The following TMCO6 variants were observed in gnomAD, a reference collection of about 807,000 sequenced individuals.
TMCO6 encodes transmembrane and coiled-coil domains 6.
In TMCO6, 47 loss-of-function variants were observed where a neutral mutation model predicts 61.8. The observed-to-expected ratio is 0.76, with a 90% CI of 0.60 to 0.97. The LOEUF (loss-of-function observed/expected upper bound fraction) is 0.97, where lower values mean the gene tolerates loss of function less well. Ranked by LOEUF, TMCO6 falls within the 50% of genes least tolerant of loss-of-function variation. The probability of loss-of-function intolerance (pLI) is 0.00; values close to 1 mark genes in which losing one functional copy is unlikely to be tolerated. For missense variants in TMCO6, 557 were observed against 601.6 expected, an observed-to-expected ratio of 0.93 and a Z score of 0.78; for synonymous variants, 261 against 254.2, an observed-to-expected ratio of 1.03 and a Z score of -0.25.
chr5:140,644,027 C>G (rs1757222594), intron 9 of TMCO6, 61 bp downstream of exon 9: 13 of 1,612,658 alleles, frequency 8.1e-6, no homozygotes, highest in Non-Finnish European at 1.0e-5. Context: ...TCCTCATGGC[C>G]TAGGCTGAGG....
the TMCO6 span, among the ~76,000 whole-genome samples, chr5:140,596,851 A>G: frequency 6.6e-6 from 1 of 152,232 alleles, no homozygotes. Flanking sequence ...AGACCAGCTC[A>G]ACATGAATCC....
the TMCO6 span, among the ~76,000 whole-genome samples, chr5:140,613,386 TAAA>T: frequency 1.1e-5 from 1 of 87,432 alleles, no homozygotes; most frequent in African/African-American, 5.2e-5. Context: ...AGACTCTGAC[TAAA>T]AAAAAAAAAA....
chr5:140,644,848 TATATAGGTTCC>T, intron 11 of TMCO6, 108 bp downstream of exon 11: 1 of 1,520,064 alleles, frequency 6.6e-7, no homozygotes, highest in Non-Finnish European at 9.0e-7. Flanking sequence ...CTGGCTAACC[TATATAGGTTCC>T]ATGTCAGAAA....
At chr5:140,630,232 T>A in the TMCO6 span, among the ~76,000 whole-genome samples, 1 of 151,966 alleles carries the variant, frequency 6.6e-6, no homozygotes, top group African/African-American at 2.4e-5. Flanking sequence ...GACCTCGTGA[T>A]CCGCCCACCT....
At position 140,643,908 on chromosome 5, in the gene TMCO6, T is replaced by C. The variant is rs753870226; in HGVS notation, c.1047T>C (p.Phe349=). Residue 349 remains phenylalanine (F), a synonymous_variant, in exon 9 of 12, where the codon TTT becomes TTC. Transcript: ENST00000394671. ...CCTTATTTATCCTTCTGCAGTTCTT[T>C]TTCCAGAAACAGCCCAGTCTGCTCC... ...VAALFILLQF[F]FQKQPSLLPE... 1.9e-6 allele frequency: 3 copies of C among 1,614,234 alleles called. No individual in the cohort carries two copies. In the South Asian group the frequency reaches 3.3e-5, roughly 18 times the overall value.
At chr5:140,618,160 G>A in the TMCO6 span, among the ~76,000 whole-genome samples, 1 of 152,168 alleles carries the variant, frequency 6.6e-6, no homozygotes, top group South Asian at 2.1e-4. Flanking sequence ...GCCGCACGCG[G>A]TGGCTCACAC....
the TMCO6 span, chr5:140,609,249 G>A: frequency 2.4e-5 from 4 of 163,898 alleles, no homozygotes; most frequent in East Asian, 1.8e-4. Context: ...CCAAACGAGC[G>A]GCATGCCATG....
chr5:140,627,309 C>T, the TMCO6 span, among the ~76,000 whole-genome samples: 1 of 152,000 alleles, frequency 6.6e-6, no homozygotes, highest in Non-Finnish European at 1.5e-5. Flanking sequence ...TCTGATCTTT[C>T]CAGCATAGCT....
chr5:140,618,882 C>T, the TMCO6 span, among the ~76,000 whole-genome samples: 21 of 152,098 alleles, frequency 1.4e-4, no homozygotes, highest in African/African-American at 4.1e-4. Flanking sequence ...TAGACAATAA[C>T]GCAGGAGAAA....
the TMCO6 span, among the ~76,000 whole-genome samples, chr5:140,600,464 G>GT: frequency 2.0e-5 from 3 of 147,624 alleles, no homozygotes; most frequent in African/African-American, 7.5e-5. Flanking sequence ...GGGTGAATTT[G>GT]TTTTGTTTTT....
chr5:140,629,284 A>G, the TMCO6 span, among the ~76,000 whole-genome samples: 3 of 151,936 alleles, frequency 2.0e-5, no homozygotes, highest in South Asian at 4.2e-4. Flanking sequence ...ACAAAACAAA[A>G]CAAACAAAAC....
chr5:140,612,653 T>C, the TMCO6 span, among the ~76,000 whole-genome samples: 164 of 152,286 alleles, frequency 1.1e-3, 1 homozygote, highest in African/African-American at 3.9e-3. Flanking sequence ...TGCCCAATCT[T>C]AGGGCCTCTC....
the TMCO6 span, among the ~76,000 whole-genome samples, chr5:140,627,019 C>T: frequency 2.6e-5 from 4 of 151,956 alleles, no homozygotes; most frequent in Non-Finnish European, 4.4e-5. Context: ...AAAGCTTCTA[C>T]TTTTCCCTAT....
At chr5:140,639,284 C>A, upstream of TMCO6, 1 of 504,164 alleles carries the variant, frequency 2.0e-6, no homozygotes, top group Non-Finnish European at 3.5e-6. Flanking sequence ...GGAAATCAAT[C>A]AGAGGCAGAG....
the TMCO6 span, among the ~76,000 whole-genome samples, chr5:140,598,875 G>A: frequency 6.6e-6 from 1 of 152,182 alleles, no homozygotes; most frequent in East Asian, 1.9e-4. Context: ...GGAGGAGGTA[G>A]CAGTGAGCGG....
intron 7 of TMCO6, 122 bp downstream of exon 7, chr5:140,643,163 T>C: frequency 1.4e-6 from 2 of 1,406,946 alleles, no homozygotes; most frequent in Admixed American, 4.3e-5. Flanking sequence ...CTGTCTTCTC[T>C]TTTTGGAGCC....
At chr5:140,622,555 G>GGATGT in the TMCO6 span, among the ~76,000 whole-genome samples, 10 of 152,056 alleles carry the variant, frequency 6.6e-5, no homozygotes, top group Admixed American at 5.2e-4. Flanking sequence ...ATCTGCAAAA[G>GGATGT]GATGTTATAC....
At chr5:140,622,910 G>A in the TMCO6 span, among the ~76,000 whole-genome samples, 2 of 152,044 alleles carry the variant, frequency 1.3e-5, no homozygotes, top group Non-Finnish European at 2.9e-5. Flanking sequence ...TAGAGACTGG[G>A]TCTTGCTGTG....
the TMCO6 span, among the ~76,000 whole-genome samples, chr5:140,600,140 A>T: frequency 6.6e-6 from 1 of 152,080 alleles, no homozygotes; most frequent in South Asian, 2.1e-4. Flanking sequence ...CCAAAATGTT[A>T]TGGGTATTTT....
Sources: allele counts gnomAD v4.1 joint callset (sites outside exome capture counted in the v4.1 genomes callset), GRCh38; gene constraint gnomAD v4.1.1; transcripts MANE v1.5; gene names NCBI Gene and HGNC (gene_info 2026-07-23, HGNC 2026-07-21).